NCEH1: variants seen among roughly 807,000 people sequenced by gnomAD.
NCEH1 encodes the protein 2-acetyl MAGE hydrolase.
In NCEH1, 9 loss-of-function variants were observed where a neutral mutation model predicts 25.4. That is an observed-to-expected ratio of 0.35 (90% CI 0.21 to 0.62). The LOEUF is 0.62. Ranked by LOEUF, NCEH1 falls within the 20% of genes least tolerant of loss-of-function variation. The probability of loss-of-function intolerance (pLI) is 0.72; values close to 1 mark genes in which losing one functional copy is unlikely to be tolerated. For missense variants in NCEH1, 412 were observed against 501.1 expected, an observed-to-expected ratio of 0.82 and a Z score of 1.70; for synonymous variants, 200 against 199.8, an observed-to-expected ratio of 1.00 and a Z score of -0.01.
At chr3:172,710,612 C>T (rs61265843) in intron 1 of NCEH1, among the ~76,000 whole-genome samples, 19,251 of 152,150 alleles carry the variant, frequency 0.13, 1,929 homozygotes, top group African/African-American at 0.28. Context: ...AAATTCTATT[C>T]AAGCACTTCT....
At chr3:172,707,454 C>T (rs541312737) in intron 1 of NCEH1, among the ~76,000 whole-genome samples, 4 of 152,322 alleles carry the variant, frequency 2.6e-5, no homozygotes, top group Admixed American at 6.5e-5. Context: ...TCCAGCAACA[C>T]GTATGCAATA....
intron 1 of NCEH1, among the ~76,000 whole-genome samples, chr3:172,660,096 T>C (rs534493560): frequency 2.0e-5 from 3 of 152,132 alleles, no homozygotes; most frequent in Non-Finnish European, 4.4e-5. Context: ...ACTCGACATT[T>C]ACATTAGGTG....
intron 1 of NCEH1, among the ~76,000 whole-genome samples, chr3:172,650,864 GAC>G (rs1230137694): frequency 1.5e-5 from 2 of 137,314 alleles, no homozygotes; most frequent in Non-Finnish European, 3.1e-5. Context: ...CAGGGTAAAA[GAC>G]AGGAATATGA....
chr3:172,641,071 C>A (rs144157971), intron 3 of NCEH1, among the ~76,000 whole-genome samples: 138 of 151,902 alleles, frequency 9.1e-4, no homozygotes, highest in African/African-American at 3.2e-3. Context: ...TGCACTCCAC[C>A]CTAGGCAACA....
At chr3:172,703,088 C>T (rs1261393228) in intron 1 of NCEH1, 1 of 152,124 alleles carries the variant, frequency 6.6e-6, no homozygotes, top group Admixed American at 6.6e-5. Flanking sequence ...AGACAGTTCC[C>T]ACATAATTTC....
rs534390509 is a variant in NCEH1, at chr3:172,702,863, G to A, written c.138+7984C>T. ...AAAATATAGCCAGGCATGGTGGCAC[G>A]CGCCTGTAGTCCCAGCTACTCAAAA... On this transcript the variant is annotated intron_variant, in intron 1 of 4. Transcript: ENST00000475381. 6.6e-5 allele frequency among the ~76,000 whole-genome samples: 10 copies of A among 152,120 alleles called. No homozygotes were observed. The South Asian group carries it at 1.5e-3, about 22-fold the overall frequency.
intron 1 of NCEH1, among the ~76,000 whole-genome samples, chr3:172,708,653 G>T (rs920907142): frequency 2.0e-5 from 3 of 152,182 alleles, no homozygotes; most frequent in African/African-American, 4.8e-5. Context: ...ACCGCCCCAG[G>T]CCATGACACC....
At chr3:172,634,382 A>G (rs2108486922) in intron 4 of NCEH1, among the ~76,000 whole-genome samples, 1 of 152,302 alleles carries the variant, frequency 6.6e-6, no homozygotes, top group African/African-American at 2.4e-5. Flanking sequence ...ACACCTAGGT[A>G]TTATGAATGG....
chr3:172,685,276 G>A (rs1712633616), intron 1 of NCEH1, among the ~76,000 whole-genome samples: 1 of 152,190 alleles, frequency 6.6e-6, no homozygotes, highest in East Asian at 1.9e-4. Flanking sequence ...AACAGAGTGA[G>A]ACTCTATCTC....
intron 1 of NCEH1, among the ~76,000 whole-genome samples, chr3:172,651,574 T>C (rs1307156053): frequency 1.3e-5 from 2 of 152,120 alleles, no homozygotes; most frequent in African/African-American, 4.8e-5. Context: ...TTTTTTTTTT[T>C]TTGAGGTAGA....
chr3:172,685,434 A>G lies in NCEH1; in HGVS notation c.138+25413T>C, dbSNP rs1022697590. ...TCCCTAAGGCTTCAATCTTAAATGG[A>G]TGCAAATGAAGTCGTATAATTTTAA... On this transcript the variant is annotated intron_variant, in intron 1 of 4. Transcript: ENST00000475381. 8.5e-5 allele frequency among the ~76,000 whole-genome samples: 13 copies of G among 152,186 alleles called. No individual in the cohort carries two copies. In the East Asian group the frequency reaches 2.3e-3, roughly 27 times the overall value.
At chr3:172,701,750 G>A (rs1050783195) in intron 1 of NCEH1, among the ~76,000 whole-genome samples, 1 of 151,264 alleles carries the variant, frequency 6.6e-6, no homozygotes, top group Non-Finnish European at 1.5e-5. Context: ...AGTTGTAAGC[G>A]ACCACGCCTG....
chr3:172,668,348 ATTTTTTT>A (rs1200625132), intron 1 of NCEH1, among the ~76,000 whole-genome samples: 7 of 78,976 alleles, frequency 8.9e-5, no homozygotes, highest in African/African-American at 2.1e-4. Flanking sequence ...AAAAGGAAGC[ATTTTTTT>A]TTTTTTTTTT....
chr3:172,660,101 T>C (rs1349057518), intron 1 of NCEH1, among the ~76,000 whole-genome samples: 10 of 151,966 alleles, frequency 6.6e-5, no homozygotes, highest in Non-Finnish European at 1.2e-4. Flanking sequence ...ACATTTACAT[T>C]AGGTGTTTCT....
At chr3:172,636,213 T>C (rs1366556706) in intron 3 of NCEH1, 126 bp from the exon 4 acceptor site, 11 of 532,824 alleles carry the variant, frequency 2.1e-5, no homozygotes, top group South Asian at 4.1e-5. Flanking sequence ...GGAATTATTG[T>C]ATGAAAAAGA....
intron 1 of NCEH1, among the ~76,000 whole-genome samples, chr3:172,683,217 AACG>A (rs1712495536): frequency 4.2e-4 from 31 of 74,312 alleles, no homozygotes; most frequent in Middle Eastern, 5.7e-3. Flanking sequence ...TCCCAGCTAA[AACG>A]GTGAAACCCC....
intron 1 of NCEH1, among the ~76,000 whole-genome samples, chr3:172,675,318 TA>T (rs1560197016): frequency 3.4e-4 from 51 of 149,944 alleles, no homozygotes; most frequent in East Asian, 2.2e-3. Context: ...AATAAATAAA[TA>T]AATAAATAAA....
intron 1 of NCEH1, among the ~76,000 whole-genome samples, chr3:172,651,898 C>A (rs1380338043): frequency 7.2e-5 from 11 of 152,068 alleles, no homozygotes. Flanking sequence ...TAGAAGATTA[C>A]ATGACGAATA....
At chr3:172,652,925 G>A (rs1390852654) in intron 1 of NCEH1, among the ~76,000 whole-genome samples, 1 of 151,112 alleles carries the variant, frequency 6.6e-6, no homozygotes, top group Non-Finnish European at 1.5e-5. Flanking sequence ...GGCTGGTCTT[G>A]AACTCCTGAC....
Sources: gnomAD v4.1 joint callset for allele counts (sites outside exome capture counted in the v4.1 genomes callset) on GRCh38, gnomAD v4.1.1 for gene constraint, MANE v1.5 for transcripts, NCBI Gene and HGNC (gene_info 2026-07-23, HGNC 2026-07-21) for gene names.